DLGAP2: variants seen among roughly 807,000 people sequenced by gnomAD.
DLGAP2 encodes the protein disks large-associated protein 2.
DLGAP2 carries 26 observed loss-of-function variants against 100.3 expected under a neutral mutation model. The ratio of observed to expected loss-of-function variants is 0.26; its 90% CI spans 0.19 to 0.36. DLGAP2 has a LOEUF of 0.36. DLGAP2 is among the 10% of genes least tolerant of loss of function. DLGAP2 has a pLI of 1.00. For synonymous variants in DLGAP2, 886 were observed against 630.1 expected, an observed-to-expected ratio of 1.41 and a Z score of -6.08; for missense variants, 1,858 against 1,453.2, an observed-to-expected ratio of 1.28 and a Z score of -4.53.
chr8:1,650,061 A>G (rs541578846), intron 8 of DLGAP2, among the ~76,000 whole-genome samples: 64 of 152,364 alleles, frequency 4.2e-4, no homozygotes, highest in Admixed American at 3.1e-3. Context: ...TACATTTCCA[A>G]GTCTTTCAGT....
intron 2 of DLGAP2, among the ~76,000 whole-genome samples, chr8:1,228,296 GAA>G (rs1329393843): frequency 2.0e-5 from 3 of 152,124 alleles, no homozygotes. Context: ...CTATAACATG[GAA>G]AGAGATTGAA....
intron 3 of DLGAP2, among the ~76,000 whole-genome samples, chr8:1,490,456 G>C (rs548289688): frequency 6.6e-6 from 1 of 152,304 alleles, no homozygotes; most frequent in East Asian, 1.9e-4. Context: ...TAAAATGCCT[G>C]AAAAAGTTCT....
At chr8:981,777 G>A (rs1465740791) in intron 2 of DLGAP2, among the ~76,000 whole-genome samples, 1 of 152,122 alleles carries the variant, frequency 6.6e-6, no homozygotes, top group Non-Finnish European at 1.5e-5. Flanking sequence ...CTAATGTGTT[G>A]TTGACTTGTA....
At chr8:1,498,962 T>G (rs187123106) in intron 3 of DLGAP2, among the ~76,000 whole-genome samples, 1 of 152,202 alleles carries the variant, frequency 6.6e-6, no homozygotes, top group Non-Finnish European at 1.5e-5. Context: ...CCATGCTGGA[T>G]TGTTAACTTT....
At chr8:1,194,922 C>G (rs1022673550) in intron 2 of DLGAP2, among the ~76,000 whole-genome samples, 10 of 152,252 alleles carry the variant, frequency 6.6e-5, no homozygotes, top group Admixed American at 6.5e-4. Context: ...CCTGGGCGTT[C>G]AGTTGTCAAC....
chr8:1,666,733 TA>T (rs1235322724), intron 8 of DLGAP2, among the ~76,000 whole-genome samples: 1 of 152,140 alleles, frequency 6.6e-6, no homozygotes. Flanking sequence ...CATTATGCCT[TA>T]AAGCACAGGT....
intron 2 of DLGAP2, among the ~76,000 whole-genome samples, chr8:1,091,581 AG>A (rs1301052641): frequency 6.6e-6 from 1 of 152,206 alleles, no homozygotes; most frequent in Non-Finnish European, 1.5e-5. Context: ...AAGAGCCCGC[AG>A]TGATGCCATA....
At chr8:1,260,559 A>G in intron 3 of DLGAP2, among the ~76,000 whole-genome samples, 1 of 152,072 alleles carries the variant, frequency 6.6e-6, no homozygotes, top group African/African-American at 2.4e-5. Context: ...GACTGAATGA[A>G]GGCTGGTAAA....
intron 3 of DLGAP2, among the ~76,000 whole-genome samples, chr8:1,279,475 T>A (rs1049395636): frequency 5.9e-5 from 9 of 152,266 alleles, no homozygotes; most frequent in Admixed American, 1.3e-4. Flanking sequence ...CCAATTAATA[T>A]ACCAAGAAGG....
intron 5 of DLGAP2, among the ~76,000 whole-genome samples, chr8:1,562,919 T>C (rs1333105482): frequency 1.5e-5 from 1 of 64,552 alleles, no homozygotes; most frequent in Non-Finnish European, 2.8e-5. Flanking sequence ...GGGGTGTCCG[T>C]GCCTCGTTAC....
At chr8:1,256,633 C>T (rs1185376005) in intron 2 of DLGAP2, among the ~76,000 whole-genome samples, 6 of 145,988 alleles carry the variant, frequency 4.1e-5, no homozygotes, top group African/African-American at 1.1e-4. Context: ...CAGTCATGTC[C>T]GCGCCTCCTG....
chr8:1,606,714 A>T (rs1231837775), intron 6 of DLGAP2, among the ~76,000 whole-genome samples: 1 of 152,032 alleles, frequency 6.6e-6, no homozygotes, highest in Non-Finnish European at 1.5e-5. Flanking sequence ...ATGAGGTCTC[A>T]CTCTGTTGCC....
chr8:1,620,985 C>A (rs755823881), intron 6 of DLGAP2, among the ~76,000 whole-genome samples: 1 of 152,210 alleles, frequency 6.6e-6, no homozygotes, highest in Non-Finnish European at 1.5e-5. Context: ...CCCCGCCTCC[C>A]AGCTGGCACA....
intron 1 of DLGAP2, among the ~76,000 whole-genome samples, chr8:817,096 G>A (rs1051318901): frequency 8.7e-5 from 13 of 149,104 alleles, no homozygotes; most frequent in African/African-American, 2.5e-4. Context: ...AGCCAAGATC[G>A]CGCCGCTGCA....
At chr8:1,391,022 T>C (rs1206160349) in intron 3 of DLGAP2, among the ~76,000 whole-genome samples, 3 of 152,076 alleles carry the variant, frequency 2.0e-5, no homozygotes, top group Non-Finnish European at 4.4e-5. Flanking sequence ...CCATGTGGGG[T>C]CATCTGGAAC....
intron 2 of DLGAP2, among the ~76,000 whole-genome samples, chr8:1,145,926 C>A (rs1437612744): frequency 6.6e-6 from 1 of 151,636 alleles, no homozygotes; most frequent in Non-Finnish European, 1.5e-5. Flanking sequence ...ATCCATGTCC[C>A]TACAAAGGAC....
intron 2 of DLGAP2, among the ~76,000 whole-genome samples, chr8:963,472 G>T (rs1799775501): frequency 6.6e-6 from 1 of 151,958 alleles, no homozygotes; most frequent in Admixed American, 6.6e-5. Context: ...ATGCATTTTT[G>T]CTTATTAATT....
intron 2 of DLGAP2, among the ~76,000 whole-genome samples, chr8:974,240 G>A (rs1424265842): frequency 1.3e-5 from 2 of 152,118 alleles, no homozygotes; most frequent in Admixed American, 6.6e-5. Flanking sequence ...GAAAATCAAA[G>A]ATGAAAATGA....
intron 2 of DLGAP2, among the ~76,000 whole-genome samples, chr8:1,030,796 A>G (rs1021830092): frequency 1.3e-5 from 2 of 152,194 alleles, no homozygotes; most frequent in African/African-American, 4.8e-5. Context: ...GACCTAAGTT[A>G]AAGCAAAGGC....
Sources: gnomAD v4.1 joint callset for allele counts (sites outside exome capture counted in the v4.1 genomes callset) on GRCh38, gnomAD v4.1.1 for gene constraint, MANE v1.5 for transcripts, NCBI Gene and HGNC (gene_info 2026-07-23, HGNC 2026-07-21) for gene names.